The following EFL1 variants were observed in gnomAD, a reference collection of about 807,000 sequenced individuals.
EFL1 encodes elongation factor like GTPase 1, also known as elongation factor-like GTPase 1.
EFL1 carries 76 observed loss-of-function variants against 126.7 expected under a neutral mutation model. That is an observed-to-expected ratio of 0.60 (90% CI 0.50 to 0.73). EFL1 has a LOEUF of 0.73. Ranked by LOEUF, EFL1 falls within the 30% of genes least tolerant of loss-of-function variation. The pLI, the probability that EFL1 is intolerant of heterozygous loss-of-function variation, is 0.00. For missense variants in EFL1, 1,128 were observed against 1,343.2 expected (o/e 0.84, Z 2.50); for synonymous variants, 410 against 448.4 (o/e 0.91, Z 1.08).
intron 18 of EFL1, among the ~76,000 whole-genome samples, chr15:82,148,032 T>C (rs1484435027): frequency 2.6e-5 from 4 of 152,212 alleles, no homozygotes; most frequent in African/African-American, 9.6e-5. Flanking sequence ...TTACATTTTT[T>C]ATTTTTTTAG....
chr15:82,183,790 C>G (rs2074276138), intron 15 of EFL1, among the ~76,000 whole-genome samples: 2 of 152,210 alleles, frequency 1.3e-5, no homozygotes, highest in South Asian at 4.2e-4. Flanking sequence ...TTATTGAAGC[C>G]AGCATTAAAA....
intron 15 of EFL1, among the ~76,000 whole-genome samples, chr15:82,179,156 T>C (rs908116578): frequency 7.3e-5 from 11 of 150,870 alleles, no homozygotes; most frequent in African/African-American, 2.2e-4. Context: ...ACAAATTAAA[T>C]AAATAAAAAA....
chr15:82,240,373 C>A lies in EFL1; in HGVS notation c.516+45G>T, dbSNP rs1462793413. On this transcript the variant is annotated intron_variant, in intron 6 of 19. Transcript: ENST00000268206. ...ACCCAGCTCAGTAACTTCCTTACAACTCTTCTTCGTGGCTAAATTTTTTAA... is the reference window on the plus strand; with the variant it reads ...ACCCAGCTCAGTAACTTCCTTACAAATCTTCTTCGTGGCTAAATTTTTTAA... 4 of 1,535,806 alleles carry A rather than the reference C, an allele frequency of 2.6e-6. No homozygotes were observed. In the Admixed American group the frequency reaches 8.1e-5, roughly 31 times the overall value.
intron 7 of EFL1, among the ~76,000 whole-genome samples, chr15:82,231,733 G>A (rs545719922): frequency 6.6e-6 from 1 of 151,472 alleles, no homozygotes; most frequent in African/African-American, 2.4e-5. Context: ...AATCGCACAA[G>A]AAAAGGAAAT....
At position 82,151,998 on chromosome 15, in the gene EFL1, A is replaced by G. The variant is rs2073915335; in HGVS notation, c.2456T>C (p.Ile819Thr). The G allele has an allele frequency of 5.0e-6, 8 of 1,614,110 alleles. No homozygotes were observed. The highest frequency in any genetic ancestry group is 2.2e-5 in the East Asian group (1 of 44,880). ...GCCAAATGACCAGATTTGGTCAACA[A>G]TGTTCCTCCATCTTCTCCCTGTTAG... is the stretch of plus-strand genomic sequence containing the variant. ...QHLTGRRWRN[I>T]VDQIWSFGPR... The change falls in exon 18 of 20, where the codon ATT becomes ACT. Residue 819 changes from isoleucine (I) to threonine (T), a missense_variant. Ile to Thr is a moderately conservative substitution (Grantham distance 89). Around this residue, in one of 6 missense-constraint regions of EFL1, gnomAD observed 561 missense variants for 641.7 expected, o/e 0.87. Transcript: ENST00000268206.
Position 82,174,684 on chromosome 15 carries a change from G to A in EFL1, c.1751-10700C>T, listed in dbSNP as rs191076228. On this transcript the variant is annotated intron_variant, in intron 15 of 19. Coordinates refer to ENST00000268206, the MANE Select transcript of EFL1 (RefSeq NM_024580.6). ...CTTGAGGTTAACCAAGGTTCTGAGA[G>A]TGAGGAGTCTTAGCCTTCAGTTTAA... 8.5e-5 allele frequency among the ~76,000 whole-genome samples: 13 copies of A among 152,300 alleles called. No homozygotes were observed. In the East Asian group the frequency reaches 2.3e-3, roughly 27 times the overall value.
intron 4 of EFL1, among the ~76,000 whole-genome samples, chr15:82,246,422 T>G (rs2074973411): frequency 6.6e-6 from 1 of 152,116 alleles, no homozygotes. Context: ...AGGACCAATT[T>G]CACACTGCTA....
chr15:82,180,347 C>A (rs531195636), intron 15 of EFL1, among the ~76,000 whole-genome samples: 1 of 125,190 alleles, frequency 8.0e-6, no homozygotes, highest in Admixed American at 9.7e-5. Context: ...GCAGTAACTG[C>A]GATTAAACTG....
chr15:82,254,143 C>T (rs558648326), intron 3 of EFL1, among the ~76,000 whole-genome samples: 9 of 152,314 alleles, frequency 5.9e-5, no homozygotes, highest in Admixed American at 2.6e-4. Context: ...TCTGGCGAAA[C>T]GCAATAATCA....
At chr15:82,140,075 T>G (rs763640889) in intron 18 of EFL1, among the ~76,000 whole-genome samples, 6 of 152,204 alleles carry the variant, frequency 3.9e-5, no homozygotes, top group Non-Finnish European at 7.3e-5. Flanking sequence ...AAATCTCTGA[T>G]GAGCCTTCAC....
At chr15:82,241,661 A>AATG (rs1442010703) in intron 4 of EFL1, among the ~76,000 whole-genome samples, 1 of 152,232 alleles carries the variant, frequency 6.6e-6, no homozygotes, top group Non-Finnish European at 1.5e-5. Flanking sequence ...GGAGCCAGCC[A>AATG]CTATGATACT....
At chr15:82,148,402 A>C (rs2073871986) in intron 18 of EFL1, among the ~76,000 whole-genome samples, 1 of 152,006 alleles carries the variant, frequency 6.6e-6, no homozygotes, top group East Asian at 1.9e-4. Context: ...AAAAGTTTCA[A>C]ATTTTAGATG....
chr15:82,146,823 T>C (rs1284769835), intron 18 of EFL1, among the ~76,000 whole-genome samples: 3 of 151,966 alleles, frequency 2.0e-5, no homozygotes, highest in Non-Finnish European at 2.9e-5. Context: ...ACAGTGACAT[T>C]TGTACCTGGG....
chr15:82,199,039 C>A (rs2074439600), intron 15 of EFL1, among the ~76,000 whole-genome samples: 1 of 151,548 alleles, frequency 6.6e-6, no homozygotes. Context: ...TAAAAAAAAA[C>A]AAAACCTGCT....
At chr15:82,248,018 A>C (rs2074989062) in intron 4 of EFL1, among the ~76,000 whole-genome samples, 1 of 152,108 alleles carries the variant, frequency 6.6e-6, no homozygotes, top group Non-Finnish European at 1.5e-5. Flanking sequence ...GGGTTCTAGG[A>C]CTACTACCAC....
chr15:82,229,117 A>G lies in EFL1; in HGVS notation c.856-7T>C. 6.2e-7 allele frequency: 1 copy of G among 1,604,042 alleles called. No homozygotes were observed. The highest frequency in any genetic ancestry group is 8.5e-7 in the Non-Finnish European group (1 of 1,177,006). On this transcript the variant is annotated splice_polypyrimidine_tract_variant and splice_region_variant and intron_variant, in intron 8 of 19. Coordinates refer to ENST00000268206, the MANE Select transcript of EFL1 (RefSeq NM_024580.6). Reference sequence around the variant, plus strand: ...AAGGTTTCTTTCCTTTGGCCTGTACAAAAGAACATACGGGCTTAAGTTCCT... The same window carrying G: ...AAGGTTTCTTTCCTTTGGCCTGTACGAAAGAACATACGGGCTTAAGTTCCT...
chr15:82,241,567 A>G (rs1350014594), intron 4 of EFL1, among the ~76,000 whole-genome samples, 164 bp from the exon 5 acceptor site: 1 of 152,248 alleles, frequency 6.6e-6, no homozygotes, highest in Admixed American at 6.5e-5. Flanking sequence ...TTTCCCACTG[A>G]TGGGACTACT....
At position 82,220,198 on chromosome 15, in the gene EFL1, G is replaced by A. The variant is rs767309062; in HGVS notation, c.1324C>T (p.Arg442Cys). Residue 442 changes from arginine (R) to cysteine (C), a missense_variant, in exon 13 of 20, where the codon CGT (arginine) becomes TGT (cysteine). Coordinates refer to ENST00000268206, the MANE Select transcript of EFL1 (RefSeq NM_024580.6). The part of the protein sequence containing the change: ...PLTQEEIAQR[R>C]ERARQRHAEK... ...GCATGCCTTTGTCTTGCACGCTCAC[G>A]TCTCTGAGCAATTTCTTCTTGAGTG... 60 of 1,608,172 alleles carry A rather than the reference G, an allele frequency of 3.7e-5. No individual in the cohort carries two copies. The highest frequency in any genetic ancestry group is 3.1e-4 in the South Asian group (28 of 89,908).
At chr15:82,259,269 T>C (rs893486132) in intron 2 of EFL1, 114 bp from the exon 3 acceptor site, 2 of 889,024 alleles carry the variant, frequency 2.2e-6, no homozygotes, top group African/African-American at 3.4e-5. Flanking sequence ...GATTTTCTAT[T>C]TACCTATGCT....
Sources: allele counts gnomAD v4.1 joint callset (sites outside exome capture counted in the v4.1 genomes callset), GRCh38; gene constraint gnomAD v4.1.1; regional missense constraint gnomAD v4.1.1; transcripts MANE v1.5; gene names NCBI Gene and HGNC (gene_info 2026-07-23, HGNC 2026-07-21).